MMRN1: variants seen among roughly 807,000 people sequenced by gnomAD.
MMRN1 encodes multimerin-1.
A neutral mutation model predicts 100.7 loss-of-function variants in MMRN1; 94 were observed. That is an observed-to-expected ratio of 0.93 (90% CI 0.79 to 1.11). The LOEUF is 1.11. Among genes scored for constraint, MMRN1 ranks in the 50% least tolerant of loss-of-function variants. The pLI, the probability that MMRN1 is intolerant of heterozygous loss-of-function variation, is 0.00. For missense variants in MMRN1, 1,606 were observed against 1,439.1 expected, an observed-to-expected ratio of 1.12 and a Z score of -1.88; for synonymous variants, 575 against 505.0, an observed-to-expected ratio of 1.14 and a Z score of -1.86.
At chr4:89,899,944 C>T (rs1721331807) in intron 1 of MMRN1, among the ~76,000 whole-genome samples, 1 of 151,948 alleles carries the variant, frequency 6.6e-6, no homozygotes, top group Non-Finnish European at 1.5e-5. Context: ...ACATTTAAGT[C>T]AGATTAATGC....
chr4:89,883,216 T>C (rs979409061), intron 1 of MMRN1, among the ~76,000 whole-genome samples: 1 of 152,102 alleles, frequency 6.6e-6, no homozygotes, highest in Non-Finnish European at 1.5e-5. Flanking sequence ...CTTGAACAAG[T>C]CTTTTTGTAG....
At position 89,909,292 on chromosome 4, in the gene MMRN1, G is replaced by T. The variant is rs1721666458; in HGVS notation, c.640G>T (p.Val214Leu). ...CTTCTTTAGGAATTGGTGTGCTTAT[G>T]TACATACCAGGTTATCTCCCACAGT... ...TTRGKNWCAY[V>L]HTRLSPTVIL... Residue 214 changes from valine to leucine, a missense_variant, in exon 2 of 8, where the codon GTA becomes TTA. By Grantham distance (32) the Val-to-Leu change is conservative. Transcript: ENST00000264790. 1.2e-6 allele frequency: 2 copies of T among 1,609,348 alleles called. No individual in the cohort carries two copies. The highest frequency in any genetic ancestry group is 2.2e-5 in the South Asian group (2 of 90,864).
chr4:89,929,709 G>A lies in MMRN1; in HGVS notation c.1129+1741G>A, dbSNP rs560226000. On this transcript the variant is annotated intron_variant, in intron 5 of 7. Coordinates refer to ENST00000264790, the MANE Select transcript of MMRN1 (RefSeq NM_007351.3). ...AATAATGAAACTCCCTCCGCAATAGGAGGAATTAATTGTGTACTGAGCACA... is the reference window on the plus strand; with the variant it reads ...AATAATGAAACTCCCTCCGCAATAGAAGGAATTAATTGTGTACTGAGCACA... Among the ~76,000 whole-genome samples the A allele has an allele frequency of 9.0e-4, 137 of 152,172 alleles. 6 individuals are homozygous for A. The South Asian group carries it at 0.028, about 31-fold the overall frequency.
At chr4:89,933,371 C>G (rs1360131630) in intron 5 of MMRN1, among the ~76,000 whole-genome samples, 1 of 152,166 alleles carries the variant, frequency 6.6e-6, no homozygotes, top group Non-Finnish European at 1.5e-5. Context: ...CCCACCTCTG[C>G]CCGTTACCCA....
Position 89,910,623 on chromosome 4 carries a change from ACT to A in MMRN1, c.743+1231_743+1232del, listed in dbSNP as rs1218697761. 4.6e-5 allele frequency among the ~76,000 whole-genome samples: 7 copies of A among 151,402 alleles called. No homozygotes were observed. The East Asian group carries it at 1.4e-3, about 29-fold the overall frequency. On this transcript the variant is annotated intron_variant, in intron 2 of 7. Transcript: ENST00000264790. ...TAACTGCCTGAGCTCATCCTTACAA[ACT>A]CTATATACAGTCCCTTTCCAAATTG...
intron 6 of MMRN1, among the ~76,000 whole-genome samples, chr4:89,944,137 C>T (rs1722917054): frequency 1.3e-5 from 2 of 152,152 alleles, no homozygotes; most frequent in Non-Finnish European, 2.9e-5. Context: ...CATACCACAG[C>T]ATATTCTAAC....
chr4:89,900,690 A>G (rs1053786698), intron 1 of MMRN1, among the ~76,000 whole-genome samples: 1 of 152,098 alleles, frequency 6.6e-6, no homozygotes, highest in African/African-American at 2.4e-5. Context: ...AAAGAGCTCA[A>G]TAAAACTCTG....
chr4:89,948,684 G>C (rs1379543178), intron 6 of MMRN1, among the ~76,000 whole-genome samples: 1 of 152,190 alleles, frequency 6.6e-6, no homozygotes, highest in African/African-American at 2.4e-5. Flanking sequence ...AATATGTCCA[G>C]TTCTGGGTGC....
chr4:89,902,145 G>A (rs1255273706), intron 1 of MMRN1: 1 of 93,514 alleles, frequency 1.1e-5, no homozygotes, highest in Non-Finnish European at 2.2e-5. Context: ...ATTCCCACAG[G>A]AAGGGGAATA....
chr4:89,909,221 A>T, intron 1 of MMRN1, 55 bp from the exon 2 acceptor site: 1 of 1,541,466 alleles, frequency 6.5e-7, no homozygotes, highest in South Asian at 1.2e-5. Flanking sequence ...AATTTTGATG[A>T]AAAGAATTCT....
intron 2 of MMRN1, among the ~76,000 whole-genome samples, chr4:89,909,990 T>C (rs1319378905): frequency 6.6e-6 from 1 of 151,414 alleles, no homozygotes; most frequent in African/African-American, 2.4e-5. Flanking sequence ...ATTCATGTAG[T>C]CACCGTAGCT....
At chr4:89,900,776 T>C (rs539593671) in intron 1 of MMRN1, among the ~76,000 whole-genome samples, 2 of 151,856 alleles carry the variant, frequency 1.3e-5, no homozygotes, top group Admixed American at 6.6e-5. Flanking sequence ...TGGCAAAGCA[T>C]TGGTATATAG....
At chr4:89,949,990 A>T (rs775306641) in intron 6 of MMRN1, among the ~76,000 whole-genome samples, 5 of 152,240 alleles carry the variant, frequency 3.3e-5, no homozygotes, top group African/African-American at 4.8e-5. Flanking sequence ...GCACCAGAGT[A>T]ACTGTGGCAA....
In MMRN1 at chr4:89,935,864, C is replaced by T. The variant is rs936003294; in HGVS notation, c.2184C>T (p.Leu728=). ...NEYALEMEDG[L]NKTMTIINNA... is the part of the protein sequence containing the mutation. ...ATGCCTTAGAAATGGAAGATGGCCT[C>T]AATAAGACAATGACTATTATAAATA... Residue 728 remains leucine (L), a synonymous_variant, in exon 6 of 8, where the codon CTC becomes CTT. Transcript: ENST00000264790. 1 of 1,611,728 alleles carries T rather than the reference C, an allele frequency of 6.2e-7. No homozygotes were observed. Among genetic ancestry groups the T allele is most frequent in the African/African-American group, 1.3e-5 (1 of 74,746 alleles).
At chr4:89,951,878 T>C in intron 7 of MMRN1, 127 bp downstream of exon 7, 3 of 1,093,712 alleles carry the variant, frequency 2.7e-6, no homozygotes, top group Non-Finnish European at 3.8e-6. Context: ...CCTTTTACTT[T>C]TTCGAAACTT....
intron 3 of MMRN1, among the ~76,000 whole-genome samples, chr4:89,916,622 C>A (rs1721928841): frequency 6.6e-6 from 1 of 151,496 alleles, no homozygotes; most frequent in Non-Finnish European, 1.5e-5. Flanking sequence ...TGCAGGAAAA[C>A]TAGATTTTCA....
At position 89,954,505 on chromosome 4, in the gene MMRN1, T is replaced by C. The variant is rs1343580583; in HGVS notation, c.*1087T>C. 1 of 152,184 alleles carries C rather than the reference T, an allele frequency of 6.6e-6. No individual in the cohort carries two copies. The highest frequency in any genetic ancestry group is 2.4e-5 in the African/African-American group (1 of 41,448). The allele number at this position is 152,184 out of a possible 1,614,324, so 9.4% of individuals were successfully genotyped here. ...TTGTGTTGTCTCCCATTTTTTATTA[T>C]TACAATATTACTGTGGTGAACATGC... On this transcript the variant is annotated 3_prime_UTR_variant, in exon 8 of 8. Transcript: ENST00000264790.
intron 2 of MMRN1, among the ~76,000 whole-genome samples, chr4:89,911,318 T>C (rs1721741554): frequency 6.6e-6 from 1 of 151,420 alleles, no homozygotes; most frequent in African/African-American, 2.4e-5. Context: ...TCTGCTGTTC[T>C]ATGGTTTCAT....
At position 89,951,754 on chromosome 4, in the gene MMRN1, A is replaced by T. The variant is rs775334190; in HGVS notation, c.3265+3A>T. On this transcript the variant is annotated splice_donor_region_variant and intron_variant, in intron 7 of 7. Transcript: ENST00000264790. ...GGAAGAAAATGCTTTAGCTCCAGGT[A>T]AAAAAAAAGTATACGCATCTTTGGA... is the stretch of plus-strand genomic sequence containing the variant. 2 of 1,535,092 alleles carry T rather than the reference A, an allele frequency of 1.3e-6. No homozygotes were observed. The highest frequency in any genetic ancestry group is 1.2e-5 in the South Asian group (1 of 83,436).
Sources: gnomAD v4.1 joint callset for allele counts (sites outside exome capture counted in the v4.1 genomes callset) on GRCh38, gnomAD v4.1.1 for gene constraint, MANE v1.5 for transcripts, NCBI Gene and HGNC (gene_info 2026-07-23, HGNC 2026-07-21) for gene names.